Variants in CXCR4 observed in about 807,000 individuals in gnomAD.
CXCR4 encodes the protein C-X-C chemokine receptor type 4.
CXCR4 carries 6 observed loss-of-function variants against 22.4 expected under a neutral mutation model. The ratio of observed to expected loss-of-function variants is 0.27; its 90% confidence interval spans 0.15 to 0.53. The LOEUF (loss-of-function observed/expected upper bound fraction) is 0.53. Among genes scored for constraint, CXCR4 ranks in the 20% least tolerant of loss-of-function variants. The pLI is 0.96. For synonymous variants in CXCR4, 155 were observed against 171.7 expected (o/e 0.90, Z 0.76); for missense variants, 300 against 430.4 (o/e 0.70, Z 2.68).
chr2:136,117,869 T>TCACCCCCCCC, intron 1 of CXCR4, 177 bp downstream of exon 1: 2 of 170,812 alleles, frequency 1.2e-5, no homozygotes, highest in Non-Finnish European at 2.4e-5. Context: ...CCAATCCTGC[T>TCACCCCCCCC]CCCCCCCCAC....
At position 136,115,639 on chromosome 2, in the gene CXCR4, C is replaced by T. The variant is rs1333957805; in HGVS notation, c.289G>A (p.Asp97Asn). The change falls in exon 2 of 2, where the codon GAT becomes AAT. Residue 97 changes from aspartate to asparagine, a missense_variant. By Grantham distance (23) the Asp-to-Asn change is conservative. Around this residue, in one of 3 missense-constraint regions of CXCR4, gnomAD observed 118 missense variants for 188.2 expected, o/e 0.63. Transcript: ENST00000241393. The surrounding 1 kb of genome is among the most constrained non-coding windows in gnomAD (Gnocchi z 6.4). ...FVITLPFWAV[D>N]AVANWYFGNF... ...CCAAAGTACCAGTTTGCCACGGCAT[C>T]AACTGCCCAGAAGGGAAGCGTGATG... 6.2e-7 allele frequency: 1 copy of T among 1,614,232 alleles called. No individual in the cohort carries two copies. The highest frequency in any genetic ancestry group is 8.5e-7 in the Non-Finnish European group (1 of 1,180,030).
intron 1 of CXCR4, 119 bp downstream of exon 1, chr2:136,117,927 C>CT: frequency 5.9e-6 from 4 of 682,864 alleles, no homozygotes; most frequent in Non-Finnish European, 2.4e-6. Context: ...TTCGGTGACC[C>CT]TTTTTTGGAG....
chr2:136,116,054 A>G (rs1304129758), intron 1 of CXCR4, 142 bp from the exon 2 acceptor site: 9 of 1,550,846 alleles, frequency 5.8e-6, no homozygotes, highest in Non-Finnish European at 7.8e-6. Flanking sequence ...CTAAGGGCAC[A>G]AGAGAATTAA....
chr2:136,115,967 C>T lies in CXCR4; in HGVS notation c.16-55G>A. ...ACTTCCAATTCAGCAAGCATTAACC[C>T]AGTTAAAAAAAATTTTTAAAGCAAT... On this transcript the variant is annotated intron_variant, in intron 1 of 1. Transcript: ENST00000241393. This position sits in a 1 kb window ranked among gnomAD's most constrained non-coding sequence, Gnocchi z 6.4. The T allele has an allele frequency of 6.2e-7, 1 of 1,613,466 alleles. No homozygotes were observed. Among genetic ancestry groups the T allele is most frequent in the Non-Finnish European group, 8.5e-7 (1 of 1,179,966 alleles).
Position 136,114,780 on chromosome 2 carries a change from T to C in CXCR4, c.*89A>G. 1 of 1,173,298 alleles carries C rather than the reference T, an allele frequency of 8.5e-7. No individual in the cohort carries two copies. Among genetic ancestry groups the C allele is most frequent in the Non-Finnish European group, 1.2e-6 (1 of 817,116 alleles). The allele number at this position is 1,173,298 out of a possible 1,614,324, so 72.7% of individuals were successfully genotyped here. ...AAAATCCAACAAGCAATAAAAACTG[T>C]ACAATATTGGTCAGTCTTTTATATC... On this transcript the variant is annotated 3_prime_UTR_variant, in exon 2 of 2. Coordinates refer to ENST00000241393, the MANE Select transcript of CXCR4 (RefSeq NM_003467.3).
chr2:136,116,162 A>G, intron 1 of CXCR4: 1 of 1,402,134 alleles, frequency 7.1e-7, no homozygotes, highest in Non-Finnish European at 9.3e-7. Context: ...GTTTAGAACA[A>G]AAGGGCACTG....
chr2:136,116,276 A>C (rs1684886719), intron 1 of CXCR4: 7 of 1,148,290 alleles, frequency 6.1e-6, no homozygotes, highest in East Asian at 1.3e-4. Context: ...AATACACACA[A>C]AGAGGCCACT....
rs374458307 is a variant in CXCR4 at position 136,115,264 on chromosome 2, T to C, written c.664A>G (p.Ile222Val). ...GIVILSCYCI[I>V]ISKLSHSKGH... ...TTGGAGTGTGACAGCTTGGAGATGA[T>C]AATGCAATAGCAGGACAGGATGACA... Residue 222 changes from isoleucine (I) to valine (V), a missense_variant, in exon 2 of 2, where the codon ATC becomes GTC. Ile to Val is a conservative substitution (Grantham distance 29). Coordinates refer to ENST00000241393, the MANE Select transcript of CXCR4 (RefSeq NM_003467.3). This position sits in a 1 kb window ranked among gnomAD's most constrained non-coding sequence, Gnocchi z 6.4. The C allele has an allele frequency of 1.2e-6, 2 of 1,614,008 alleles. No individual in the cohort carries two copies. Among genetic ancestry groups the C allele is most frequent in the African/African-American group, 1.3e-5 (1 of 74,962 alleles).
chr2:136,117,985 G>C, intron 1 of CXCR4, 61 bp downstream of exon 1: 1 of 1,574,092 alleles, frequency 6.4e-7, no homozygotes, highest in Non-Finnish European at 8.7e-7. Context: ...TCGGAGAGGG[G>C]CTGCGCTCTA....
intron 1 of CXCR4, chr2:136,116,137 A>G: frequency 6.9e-7 from 1 of 1,444,242 alleles, no homozygotes; most frequent in Non-Finnish European, 9.1e-7. Context: ...GGTAGAACCA[A>G]TTACAAAATT....
intron 1 of CXCR4, chr2:136,117,749 TG>T: frequency 2.4e-6 from 1 of 413,258 alleles, no homozygotes; most frequent in Admixed American, 4.4e-5. Context: ...TTCTTACGTT[TG>T]CAAACAGCGT....
In CXCR4 at chr2:136,115,513, C is replaced by T. The variant is rs1451071577; in HGVS notation, c.415G>A (p.Val139Ile). Residue 139 changes from valine to isoleucine, a missense_variant, in exon 2 of 2, where the codon GTC (valine) becomes ATC (isoleucine). Physicochemically the swap from Val to Ile is conservative, Grantham distance 29. Coordinates refer to ENST00000241393, the MANE Select transcript of CXCR4 (RefSeq NM_003467.3). This position sits in a 1 kb window ranked among gnomAD's most constrained non-coding sequence, Gnocchi z 6.4. ...GGCCTCTGACTGTTGGTGGCGTGGA[C>T]GATGGCCAGGTAGCGGTCCAGACTG... ...FISLDRYLAI[V>I]HATNSQRPRK... 15 of 1,614,054 alleles carry T rather than the reference C, an allele frequency of 9.3e-6. No individual in the cohort carries two copies. The highest frequency in any genetic ancestry group is 1.7e-5 in the Admixed American group (1 of 60,002).
intron 1 of CXCR4, among the ~76,000 whole-genome samples, chr2:136,117,328 G>T (rs1684927240): frequency 6.9e-6 from 1 of 144,346 alleles, no homozygotes; most frequent in African/African-American, 2.6e-5. Context: ...CGGCCGTGGG[G>T]AAGAGGCGCG....
chr2:136,117,023 C>T (rs1465651631), intron 1 of CXCR4, among the ~76,000 whole-genome samples: 1 of 152,338 alleles, frequency 6.6e-6, no homozygotes, highest in African/African-American at 2.4e-5. Flanking sequence ...TGCAGGAAAC[C>T]AAAAACTCCC....
At chr2:136,116,808 G>A (rs933430746) in intron 1 of CXCR4, among the ~76,000 whole-genome samples, 3 of 152,104 alleles carry the variant, frequency 2.0e-5, no homozygotes, top group Non-Finnish European at 4.4e-5. Context: ...GCCGGAGGTG[G>A]GCAGCTGGAA....
rs1288565097 is a variant in CXCR4 at position 136,115,435 on chromosome 2, G to A, written c.493C>T (p.Leu165Phe). 3.7e-6 allele frequency: 6 copies of A among 1,614,064 alleles called. No homozygotes were observed. The highest frequency in any genetic ancestry group is 2.2e-5 in the East Asian group (1 of 44,900). The change falls in exon 2 of 2, where the codon CTC becomes TTC. Residue 165 changes from leucine (L) to phenylalanine (F), a missense_variant. Physicochemically the swap from Leu to Phe is conservative, Grantham distance 22. Coordinates refer to ENST00000241393, the MANE Select transcript of CXCR4 (RefSeq NM_003467.3). The surrounding 1 kb of genome is among the most constrained non-coding windows in gnomAD (Gnocchi z 6.4). Reference protein sequence around the residue: ...VVYVGVWIPALLLTIPDFIFA... With the variant: ...VVYVGVWIPAFLLTIPDFIFA... ...ATGAAGTCGGGAATAGTCAGCAGGA[G>A]GGCAGGGATCCAGACGCCAACATAG...
chr2:136,116,489 A>G (rs1684895992), intron 1 of CXCR4, among the ~76,000 whole-genome samples: 2 of 152,166 alleles, frequency 1.3e-5, no homozygotes, highest in South Asian at 4.1e-4. Flanking sequence ...TCTGGGCTTC[A>G]AGCAACTTGT....
chr2:136,115,883 TTCC>T lies in CXCR4; in HGVS notation c.42_44del (p.Glu15del). 6.2e-7 allele frequency: 1 copy of T among 1,614,214 alleles called. No individual in the cohort carries two copies. The stretch of plus-strand genomic sequence containing the variant: ...TGGAGTCATAGTCCCCTGAGCCCAT[TTCC>T]TCGGTGTAGTTATCTGAAGTGTATA... On this transcript the variant is annotated inframe_deletion, in exon 2 of 2. Coordinates refer to ENST00000241393, the MANE Select transcript of CXCR4 (RefSeq NM_003467.3). This position sits in a 1 kb window ranked among gnomAD's most constrained non-coding sequence, Gnocchi z 6.4.
intron 1 of CXCR4, 134 bp downstream of exon 1, chr2:136,117,912 C>T (rs1684962572): frequency 2.1e-5 from 8 of 379,906 alleles, no homozygotes; most frequent in African/African-American, 5.8e-5. Flanking sequence ...GTCAAGAAAA[C>T]TCCTTTCGGT....
Sources: allele counts gnomAD v4.1 joint callset (sites outside exome capture counted in the v4.1 genomes callset), GRCh38; gene constraint gnomAD v4.1.1; regional missense constraint gnomAD v4.1.1; non-coding constraint Gnocchi (gnomAD v3.1); transcripts MANE v1.5; gene names NCBI Gene and HGNC (gene_info 2026-07-23, HGNC 2026-07-21).